Variants in NAALADL2 observed in about 807,000 individuals in gnomAD.
NAALADL2 encodes the protein N-acetylated alpha-linked acidic dipeptidase like 2, also known as inactive N-acetylated-alpha-linked acidic dipeptidase-like protein 2.
A neutral mutation model predicts 87.2 loss-of-function variants in NAALADL2; 76 were observed. The ratio of observed to expected loss-of-function variants is 0.87; its 90% CI spans 0.72 to 1.05. NAALADL2 has a LOEUF of 1.05. Among genes scored for constraint, NAALADL2 ranks in the 50% least tolerant of loss-of-function variants. The pLI is 0.00. For synonymous variants in NAALADL2, 354 were observed against 331.0 expected (o/e 1.07, Z -0.75); for missense variants, 1,089 against 945.8 (o/e 1.15, Z -1.99).
chr3:174,813,340 T>C lies in NAALADL2; in HGVS notation c.-9+75594T>C, dbSNP rs562193551. ...TTATGAATTTGTGTTGGGCCACGTT[T>C]AAAGTGGACCTGGGCCATGGGTTGG... is the stretch of plus-strand genomic sequence containing the variant. On this transcript the variant is annotated intron_variant, in intron 3 of 3. Coordinates refer to the NAALADL2 transcript ENST00000434257. 1.4e-3 allele frequency among the ~76,000 whole-genome samples: 216 copies of C among 152,340 alleles called. 1 individual carries two copies. The highest frequency in any genetic ancestry group is 0.01 in the Middle Eastern group (3 of 294).
chr3:174,488,200 T>G (rs2108344342), intron 1 of NAALADL2, among the ~76,000 whole-genome samples: 1 of 152,138 alleles, frequency 6.6e-6, no homozygotes, highest in African/African-American at 2.4e-5. Context: ...AACACTAAGC[T>G]TGGTCCTAAT....
At chr3:175,557,456 T>C (rs926375061) in intron 9 of NAALADL2, among the ~76,000 whole-genome samples, 1 of 152,180 alleles carries the variant, frequency 6.6e-6, no homozygotes, top group African/African-American at 2.4e-5. Context: ...TTTTTGACTA[T>C]AGTCACCCCA....
chr3:175,131,995 G>C (rs1450039770), intron 2 of NAALADL2, among the ~76,000 whole-genome samples: 1 of 116,108 alleles, frequency 8.6e-6, no homozygotes, highest in Non-Finnish European at 1.9e-5. Context: ...CCGGGAGGGG[G>C]ACTGACCCCC....
At chr3:175,095,721 C>T (rs1335601047) in intron 1 of NAALADL2, among the ~76,000 whole-genome samples, 1 of 152,006 alleles carries the variant, frequency 6.6e-6, no homozygotes, top group Non-Finnish European at 1.5e-5. Context: ...AGGCAATTAG[C>T]TTATCAGTTA....
chr3:174,697,593 T>A (rs1390348606), intron 2 of NAALADL2, among the ~76,000 whole-genome samples: 2 of 152,014 alleles, frequency 1.3e-5, no homozygotes, highest in Non-Finnish European at 2.9e-5. Context: ...AGAAGGGAAA[T>A]TGTAATATTA....
chr3:175,551,793 G>T (rs920068590), intron 9 of NAALADL2, among the ~76,000 whole-genome samples: 4 of 151,964 alleles, frequency 2.6e-5, no homozygotes, highest in African/African-American at 9.7e-5. Flanking sequence ...AGCTACTCAG[G>T]AGGCTGAGGC....
At chr3:174,600,403 G>A (rs1718325046) in intron 2 of NAALADL2, among the ~76,000 whole-genome samples, 1 of 152,050 alleles carries the variant, frequency 6.6e-6, no homozygotes, top group Admixed American at 6.6e-5. Context: ...TACCTTCAGT[G>A]ACATATGTAT....
chr3:175,771,847 A>T (rs1485667426), intron 13 of NAALADL2, among the ~76,000 whole-genome samples: 5 of 152,222 alleles, frequency 3.3e-5, no homozygotes, highest in Non-Finnish European at 5.9e-5. Flanking sequence ...CTCACAGGTC[A>T]GCATGGCTGT....
intron 1 of NAALADL2, among the ~76,000 whole-genome samples, chr3:175,048,357 T>C (rs941460215): frequency 1.3e-5 from 2 of 152,190 alleles, no homozygotes; most frequent in African/African-American, 4.8e-5. Context: ...TTCTACTGCA[T>C]TTTCAAAAAA....
intron 3 of NAALADL2, among the ~76,000 whole-genome samples, chr3:174,837,725 C>T (rs1406304107): frequency 2.0e-5 from 3 of 151,820 alleles, no homozygotes; most frequent in East Asian, 1.9e-4. Flanking sequence ...ACCTGGGAGG[C>T]GGGGGTTGTG....
At position 175,689,781 on chromosome 3, in the gene NAALADL2, C is replaced by T. The variant is rs1582901136; in HGVS notation, c.1897-47525C>T. Among the ~76,000 whole-genome samples the T allele has an allele frequency of 2.6e-5, 4 of 152,102 alleles. No individual in the cohort carries two copies. In the South Asian group the frequency reaches 8.3e-4, roughly 32 times the overall value. ...CTCTGGACTTCTTCAAAATGTCCAC[C>T]AGCTTTAGGCTAAAAGAACTTGCAA... On this transcript the variant is annotated intron_variant, in intron 11 of 13. Transcript: ENST00000454872.
chr3:175,070,209 TA>T (rs200787238), intron 1 of NAALADL2, among the ~76,000 whole-genome samples: 1 of 151,386 alleles, frequency 6.6e-6, no homozygotes, highest in Non-Finnish European at 1.5e-5. Flanking sequence ...AAAATTACAA[TA>T]AAAAATCTTA....
At chr3:175,326,563 GT>G (rs1432173306) in intron 5 of NAALADL2, among the ~76,000 whole-genome samples, 4 of 152,136 alleles carry the variant, frequency 2.6e-5, no homozygotes, top group African/African-American at 9.7e-5. Flanking sequence ...ACTCCATTTT[GT>G]GTTGCTATAA....
At position 175,748,729 on chromosome 3, in the gene NAALADL2, A is replaced by G. The variant is rs189207003; in HGVS notation, c.1991-6491A>G. Among the ~76,000 whole-genome samples, 379 of 152,326 alleles carry G rather than the reference A, an allele frequency of 2.5e-3. 6 individuals are homozygous for G. The highest frequency in any genetic ancestry group is 8.3e-3 in the African/African-American group (344 of 41,578). On this transcript the variant is annotated intron_variant, in intron 12 of 13. Coordinates refer to ENST00000454872, the MANE Select transcript of NAALADL2 (RefSeq NM_207015.3). Reference sequence around the variant, plus strand: ...GCCACAAAAAACACAGAAAAATTGAAGTAAACTAAAATTTAAAACTTGTTG... The same window carrying G: ...GCCACAAAAAACACAGAAAAATTGAGGTAAACTAAAATTTAAAACTTGTTG...
chr3:175,283,817 C>A (rs1181993739), intron 4 of NAALADL2, among the ~76,000 whole-genome samples: 1 of 151,950 alleles, frequency 6.6e-6, no homozygotes, highest in Non-Finnish European at 1.5e-5. Context: ...AGTTCTACAT[C>A]ATAAAATCTG....
In NAALADL2 at chr3:175,057,219, C is replaced by T. The variant is rs116354848; in HGVS notation, c.44-39571C>T. Among the ~76,000 whole-genome samples the T allele has an allele frequency of 6.3e-3, 955 of 152,234 alleles. 11 individuals are homozygous for T. Among genetic ancestry groups the T allele is most frequent in the African/African-American group, 0.021 (884 of 41,550 alleles). On this transcript the variant is annotated intron_variant, in intron 1 of 13. Transcript: ENST00000454872. Reference sequence around the variant, plus strand: ...AAAATAGACAGAAAAATAATAAATACCAACTACGAACATGGTAGGGCTTTA... The same window carrying T: ...AAAATAGACAGAAAAATAATAAATATCAACTACGAACATGGTAGGGCTTTA...
chr3:174,919,806 G>A (rs745847127), intron 1 of NAALADL2, among the ~76,000 whole-genome samples: 17 of 152,150 alleles, frequency 1.1e-4, no homozygotes, highest in Admixed American at 1.0e-3. Flanking sequence ...TTTATGAAAT[G>A]TGTTCCTTTA....
At chr3:175,116,984 C>A (rs1051977262) in intron 2 of NAALADL2, among the ~76,000 whole-genome samples, 1 of 151,988 alleles carries the variant, frequency 6.6e-6, no homozygotes, top group Non-Finnish European at 1.5e-5. Flanking sequence ...TGATATTTGA[C>A]AAACCTGACA....
intron 2 of NAALADL2, among the ~76,000 whole-genome samples, chr3:174,552,175 A>G (rs1471637754): frequency 6.6e-6 from 1 of 152,178 alleles, no homozygotes; most frequent in East Asian, 1.9e-4. Flanking sequence ...TTGTCTTCCA[A>G]TCGTTGGAAC....
Sources: allele counts gnomAD v4.1 joint callset (sites outside exome capture counted in the v4.1 genomes callset), GRCh38; gene constraint gnomAD v4.1.1; transcripts MANE v1.5; gene names NCBI Gene and HGNC (gene_info 2026-07-23, HGNC 2026-07-21).